The following DHRSX variants were observed in gnomAD, a reference collection of about 807,000 sequenced individuals.
The protein encoded by DHRSX is dehydrogenase/reductase X-linked, also known as polyprenol dehydrogenase.
In DHRSX, 31 loss-of-function variants were observed where a neutral mutation model predicts 34.0. The ratio of observed to expected loss-of-function variants is 0.91; its 90% confidence interval spans 0.69 to 1.23. The LOEUF (loss-of-function observed/expected upper bound fraction) is 1.23. Among genes scored for constraint, DHRSX ranks in the 50% most tolerant of loss-of-function variants. The pLI, the probability that DHRSX is intolerant of heterozygous loss-of-function variation, is 0.00. For synonymous variants in DHRSX, 201 were observed against 183.8 expected (o/e 1.09, Z -0.76); for missense variants, 414 against 428.1 (o/e 0.97, Z 0.29).
intron 3 of DHRSX, among the ~76,000 whole-genome samples, chrX:2,369,282 C>A (rs1181601807): frequency 6.6e-6 from 1 of 152,152 alleles, no homozygotes; most frequent in Non-Finnish European, 1.5e-5. Context: ...GAACTGGAGA[C>A]AGCAGGTACT....
chrX:2,338,248 G>C (rs151313707), intron 3 of DHRSX, among the ~76,000 whole-genome samples: 1 of 151,782 alleles, frequency 6.6e-6, no homozygotes, highest in East Asian at 1.9e-4. Context: ...CAGGAGAATC[G>C]CTTGAACCTG....
intron 1 of DHRSX, among the ~76,000 whole-genome samples, chrX:2,462,567 A>C (rs2044418439): frequency 6.6e-6 from 1 of 152,076 alleles, no homozygotes; most frequent in Admixed American, 6.6e-5. Flanking sequence ...AGTATCGGAC[A>C]TGCTGGGTTG....
In DHRSX at chrX:2,326,638, T is replaced by C. The variant is rs767437265; in HGVS notation, c.287-35035A>G. Among the ~76,000 whole-genome samples the C allele has an allele frequency of 2.1e-3, 322 of 152,154 alleles. 1 individual carries two copies. The highest frequency in any genetic ancestry group is 7.0e-3 in the African/African-American group (290 of 41,528). ...GTTCCCAGGGTGAAGATCAAAGAAA[T>C]ATCCAGTTGTGTGTTATTGGGGGAA... On this transcript the variant is annotated intron_variant, in intron 3 of 6. Coordinates refer to ENST00000334651, the MANE Select transcript of DHRSX (RefSeq NM_145177.3).
At chrX:2,242,244 T>C (rs2016157328) in intron 6 of DHRSX, among the ~76,000 whole-genome samples, 1 of 152,132 alleles carries the variant, frequency 6.6e-6, no homozygotes. Flanking sequence ...GTTTTTCCCT[T>C]GGCCCCTACC....
rs374081836 is a variant in DHRSX at position 2,309,644 on chromosome X, G to C, written c.287-18041C>G. ...AAAATCATCATGGCCAGGTGTGGTG[G>C]CTCACCCTGTCACTGTAGCATTTTG... On this transcript the variant is annotated intron_variant, in intron 3 of 6. Transcript: ENST00000334651. Among the ~76,000 whole-genome samples, 45 of 152,264 alleles carry C rather than the reference G, an allele frequency of 3.0e-4. 1 individual carries two copies. Among genetic ancestry groups the C allele is most frequent in the African/African-American group, 9.9e-4 (41 of 41,572 alleles).
chrX:2,488,745 G>C (rs778251463), intron 1 of DHRSX: 5 of 1,613,894 alleles, frequency 3.1e-6, no homozygotes, highest in Non-Finnish European at 4.2e-6. Flanking sequence ...TGGTCCTCGG[G>C]TTCCGCCTCT....
intron 3 of DHRSX, among the ~76,000 whole-genome samples, chrX:2,371,451 T>C (rs867709031): frequency 0.017 from 1,693 of 97,882 alleles, 47 homozygotes; most frequent in African/African-American, 0.062. Flanking sequence ...CTTTCGTTAC[T>C]ATAGTCCCTC....
At chrX:2,411,738 A>G (rs758420218) in intron 2 of DHRSX, among the ~76,000 whole-genome samples, 12 of 97,594 alleles carry the variant, frequency 1.2e-4, no homozygotes, top group African/African-American at 3.7e-4. Context: ...AAAAGAAAAC[A>G]AAACAAAACA....
In DHRSX at chrX:2,266,597, T is replaced by C. The variant is rs2041477443; in HGVS notation, c.596+143A>G. On this transcript the variant is annotated intron_variant, in intron 5 of 6. Transcript: ENST00000334651. The stretch of plus-strand genomic sequence containing the variant: ...GGGAGCACTGTCCCCAAAGCACCAG[T>C]GCTCGGCAGACGCAGGGAGCACTGT... 5 of 820,372 alleles carry C rather than the reference T, an allele frequency of 6.1e-6. No homozygotes were observed. In the South Asian group the frequency reaches 7.8e-5, roughly 13 times the overall value. The allele number at this position is 820,372 out of a possible 1,614,324, so 50.8% of individuals were successfully genotyped here.
At position 2,229,780 on chromosome X, in the gene DHRSX, C is replaced by A. The variant is rs972579251; in HGVS notation, c.805-8551G>T. Among the ~76,000 whole-genome samples the A allele has an allele frequency of 2.0e-5, 3 of 151,474 alleles. No individual in the cohort carries two copies. The East Asian group carries it at 5.8e-4, about 29-fold the overall frequency. On this transcript the variant is annotated intron_variant, in intron 6 of 6. Transcript: ENST00000334651. ...GCATGTGTGTGGGGGCGCAGATGTG[C>A]GGGTATGGGCCTGCGTGTGTTTGCA... is the stretch of plus-strand genomic sequence containing the variant.
At chrX:2,461,330 T>C (rs1036200871) in intron 1 of DHRSX, among the ~76,000 whole-genome samples, 3 of 152,206 alleles carry the variant, frequency 2.0e-5, no homozygotes, top group African/African-American at 7.2e-5. Flanking sequence ...AATCGTTCCT[T>C]CTGCATCAAA....
rs183096954 is a variant in DHRSX at position 2,377,924 on chromosome X, G to A, written c.286+30821C>T. Among the ~76,000 whole-genome samples the A allele has an allele frequency of 2.6e-3, 394 of 152,242 alleles. 1 individual carries two copies. The highest frequency in any genetic ancestry group is 8.7e-3 in the African/African-American group (361 of 41,562). Reference sequence around the variant, plus strand: ...CGGCTAATTTTTTGTATGTTTAGTAGAGATGGAGTTTCACCATGTTGGCCA... The same window carrying A: ...CGGCTAATTTTTTGTATGTTTAGTAAAGATGGAGTTTCACCATGTTGGCCA... On this transcript the variant is annotated intron_variant, in intron 3 of 6. Coordinates refer to ENST00000334651, the MANE Select transcript of DHRSX (RefSeq NM_145177.3).
At chrX:2,321,219 C>T (rs190230551) in intron 3 of DHRSX, among the ~76,000 whole-genome samples, 17 of 152,156 alleles carry the variant, frequency 1.1e-4, no homozygotes, top group Non-Finnish European at 2.4e-4. Context: ...GCTTGATGGG[C>T]GATGATGATC....
intron 6 of DHRSX, among the ~76,000 whole-genome samples, chrX:2,235,579 T>A (rs1264031036): frequency 6.8e-6 from 1 of 147,744 alleles, no homozygotes; most frequent in Non-Finnish European, 1.5e-5. Context: ...CCCACCTCTA[T>A]TAAAAATATA....
chrX:2,363,860 C>T (rs1176440626), intron 3 of DHRSX, among the ~76,000 whole-genome samples: 1 of 152,050 alleles, frequency 6.6e-6, no homozygotes, highest in Non-Finnish European at 1.5e-5. Context: ...GATGAGGGAA[C>T]ATGCATGATG....
Position 2,429,897 on chromosome X carries a change from CAAG to C in DHRSX, c.110-4596_110-4594del, listed in dbSNP as rs1187639290. ...TAACAAAATCAACATTAAATAAATC[CAAG>C]AAGAGAATTCAGGAAGGTAGTCAGA... On this transcript the variant is annotated intron_variant, in intron 1 of 6. Coordinates refer to ENST00000334651, the MANE Select transcript of DHRSX (RefSeq NM_145177.3). Among the ~76,000 whole-genome samples the C allele has an allele frequency of 5.1e-4, 77 of 152,060 alleles. 1 individual carries two copies. The highest frequency in any genetic ancestry group is 1.7e-3 in the African/African-American group (69 of 41,494).
intron 3 of DHRSX, among the ~76,000 whole-genome samples, chrX:2,354,581 C>T (rs1414308339): frequency 2.6e-5 from 4 of 152,198 alleles, no homozygotes. Flanking sequence ...CCTGCCTCAG[C>T]CTCCCGAATA....
At chrX:2,361,420 A>AT (rs1222776613) in intron 3 of DHRSX, among the ~76,000 whole-genome samples, 2 of 152,144 alleles carry the variant, frequency 1.3e-5, no homozygotes, top group African/African-American at 4.8e-5. Context: ...AAAGTTTTTA[A>AT]AATGTTATCA....
intron 3 of DHRSX, among the ~76,000 whole-genome samples, chrX:2,322,922 T>C (rs2042330460): frequency 6.6e-6 from 1 of 151,890 alleles, no homozygotes. Flanking sequence ...TAGTTTTTTG[T>C]TGTTGTTGTT....
Sources: allele counts gnomAD v4.1 joint callset (sites outside exome capture counted in the v4.1 genomes callset), GRCh38; gene constraint gnomAD v4.1.1; transcripts MANE v1.5; gene names NCBI Gene and HGNC (gene_info 2026-07-23, HGNC 2026-07-21).